Variants in NAALAD2 observed in about 807,000 individuals in gnomAD.
The protein encoded by NAALAD2 is N-acetylated alpha-linked acidic dipeptidase 2.
A neutral mutation model predicts 95.6 loss-of-function variants in NAALAD2; 89 were observed. The observed-to-expected ratio is 0.93, with a 90% CI of 0.78 to 1.11. The LOEUF is 1.11. Among genes scored for constraint, NAALAD2 ranks in the 50% least tolerant of loss-of-function variants. The pLI is 0.00. For missense variants in NAALAD2, 894 were observed against 872.4 expected, an observed-to-expected ratio of 1.02 and a Z score of -0.31; for synonymous variants, 264 against 294.4, an observed-to-expected ratio of 0.90 and a Z score of 1.06.
chr11:90,174,024 C>T, intron 14 of NAALAD2, 109 bp downstream of exon 14: 1 of 810,726 alleles, frequency 1.2e-6, no homozygotes, highest in Non-Finnish European at 2.0e-6. Context: ...ATAATTTGAG[C>T]CAAGAAAAGA....
chr11:90,158,684 A>T (rs1167833449), intron 7 of NAALAD2: 1 of 175,046 alleles, frequency 5.7e-6, no homozygotes, highest in Non-Finnish European at 1.2e-5. Flanking sequence ...TCTCCTTGAT[A>T]GGGTTATTAT....
intron 18 of NAALAD2, among the ~76,000 whole-genome samples, chr11:90,183,316 C>T (rs7103738): frequency 0.41 from 62,506 of 151,836 alleles, 13,169 homozygotes; most frequent in South Asian, 0.5. Flanking sequence ...CTACATAATC[C>T]TTTTTATAGA....
At chr11:90,169,087 A>G (rs1952558344) in intron 12 of NAALAD2, 95 bp downstream of exon 12, 2 of 800,768 alleles carry the variant, frequency 2.5e-6, no homozygotes, top group Non-Finnish European at 3.9e-6. Context: ...TACTAAGACT[A>G]TAAATTCTAG....
intron 17 of NAALAD2, among the ~76,000 whole-genome samples, chr11:90,182,093 TTAAG>T (rs1301761224): frequency 6.6e-6 from 1 of 152,124 alleles, no homozygotes; most frequent in Non-Finnish European, 1.5e-5. Context: ...CTTTATGAGT[TTAAG>T]TGCGTTTGTA....
At chr11:90,190,752 ATGAG>A (rs1238170289) in intron 18 of NAALAD2, among the ~76,000 whole-genome samples, 1 of 152,092 alleles carries the variant, frequency 6.6e-6, no homozygotes, top group Non-Finnish European at 1.5e-5. Flanking sequence ...AATCTGAATG[ATGAG>A]TGTTATAGAT....
intron 6 of NAALAD2, among the ~76,000 whole-genome samples, chr11:90,153,636 T>C (rs1590974859): frequency 6.6e-6 from 1 of 152,080 alleles, no homozygotes; most frequent in East Asian, 1.9e-4. Context: ...TAAATCAATT[T>C]GGGGAGAATT....
Position 90,159,265 on chromosome 11 carries a change from A to G in NAALAD2, c.917A>G (p.Asp306Gly), listed in dbSNP as rs748187181. Residue 306 changes from aspartate (D) to glycine (G), a missense_variant, in exon 8 of 19, where the codon GAT (aspartate) becomes GGT (glycine). Transcript: ENST00000534061. ...LRYLGGIAPP[D>G]KSWKGALNVS... ...TACTTGGGAGGAATTGCTCCACCAG[A>G]TAAGAGTTGGAAGGGAGCCCTTAAT... 1.2e-6 allele frequency: 2 copies of G among 1,613,628 alleles called. No individual in the cohort carries two copies. Among genetic ancestry groups the G allele is most frequent in the East Asian group, 2.2e-5 (1 of 44,836 alleles).
intron 6 of NAALAD2, among the ~76,000 whole-genome samples, chr11:90,154,252 T>C (rs1039582038): frequency 2.6e-5 from 4 of 151,932 alleles, no homozygotes; most frequent in African/African-American, 7.2e-5. Context: ...TATCCAGTCT[T>C]TCTCTGTTAA....
chr11:90,132,394 AC>A (rs756792435), upstream of NAALAD2, among the ~76,000 whole-genome samples: 5 of 152,208 alleles, frequency 3.3e-5, no homozygotes, highest in African/African-American at 7.2e-5. Flanking sequence ...ATTAGTTTCT[AC>A]CTTCTCTTTC....
rs143067326 is a variant in NAALAD2, at chr11:90,178,114, T to C, written c.1855T>C (p.Phe619Leu). 9.3e-6 allele frequency: 15 copies of C among 1,606,590 alleles called. No homozygotes were observed. The highest frequency in any genetic ancestry group is 1.7e-4 in the Middle Eastern group (1 of 5,994). Residue 619 changes from phenylalanine (F) to leucine (L), a missense_variant, in exon 16 of 19, where the codon TTT becomes CTT. Phe to Leu is a conservative substitution (Grantham distance 22, BLOSUM62 0). Coordinates refer to ENST00000534061, the MANE Select transcript of NAALAD2 (RefSeq NM_005467.4). ...DQQLTDHGVS[F>L]DSLFSAVKNF... Reference sequence around the variant, plus strand: ...ACAATTGACAGACCATGGAGTATCATTTGGTAAGAAATAGTTGGGCAGATA... The same window carrying C: ...ACAATTGACAGACCATGGAGTATCACTTGGTAAGAAATAGTTGGGCAGATA...
intron 6 of NAALAD2, among the ~76,000 whole-genome samples, chr11:90,157,009 G>A (rs1180789116): frequency 4.6e-5 from 7 of 152,110 alleles, no homozygotes; most frequent in Non-Finnish European, 1.0e-4. Flanking sequence ...TTATGGCCCA[G>A]AATATGGTCT....
Position 90,176,065 on chromosome 11 carries a change from A to G in NAALAD2, c.1593+3A>G. 1 of 1,606,220 alleles carries G rather than the reference A, an allele frequency of 6.2e-7. No individual in the cohort carries two copies. Among genetic ancestry groups the G allele is most frequent in the African/African-American group, 1.3e-5 (1 of 74,830 alleles). On this transcript the variant is annotated splice_donor_region_variant and intron_variant, in intron 15 of 18. Coordinates refer to ENST00000534061, the MANE Select transcript of NAALAD2 (RefSeq NM_005467.4). ...GAGCCCGTTACACTAAGAATAAGGT[A>G]AGCCATTTTATCATTTTGAATATAT...
At chr11:90,168,556 C>T (rs1365331907) in intron 11 of NAALAD2, among the ~76,000 whole-genome samples, 1 of 152,142 alleles carries the variant, frequency 6.6e-6, no homozygotes, top group African/African-American at 2.4e-5. Context: ...TCACTTTTAG[C>T]CTCACTGTGA....
At chr11:90,145,981 T>G (rs542845203) in intron 2 of NAALAD2, among the ~76,000 whole-genome samples, 13 of 152,248 alleles carry the variant, frequency 8.5e-5, no homozygotes, top group African/African-American at 3.1e-4. Context: ...AGAAGAGTTT[T>G]AAGCACATGG....
At position 90,177,860 on chromosome 11, in the gene NAALAD2, A is replaced by T. The variant is rs749958841; in HGVS notation, c.1601A>T (p.Asp534Val). The change falls in exon 16 of 19, where the codon GAT (aspartate) becomes GTT (valine). Residue 534 changes from aspartate (D) to valine (V), a missense_variant. Asp to Val is a radical substitution (Grantham distance 152). Coordinates refer to ENST00000534061, the MANE Select transcript of NAALAD2 (RefSeq NM_005467.4). ...RARYTKNKKT[D>V]KYSSYPVYHT... is the part of the protein sequence containing the mutation. Reference sequence around the variant, plus strand: ...TCTCCATTTTTTTTTCAGAAAACAGATAAGTACAGCAGCTACCCAGTGTAC... The same window carrying T: ...TCTCCATTTTTTTTTCAGAAAACAGTTAAGTACAGCAGCTACCCAGTGTAC... The T allele has an allele frequency of 2.5e-6, 4 of 1,607,172 alleles. No homozygotes were observed. Among genetic ancestry groups the T allele is most frequent in the Non-Finnish European group, 3.4e-6 (4 of 1,178,098 alleles).
intron 13 of NAALAD2, among the ~76,000 whole-genome samples, chr11:90,173,542 T>C (rs555381492): frequency 3.9e-4 from 59 of 152,338 alleles, no homozygotes; most frequent in African/African-American, 1.3e-3. Context: ...TTTTAAGTTC[T>C]ATTTAAAAGT....
At chr11:90,182,699 G>A (rs573601478) in intron 17 of NAALAD2, among the ~76,000 whole-genome samples, 9 of 151,942 alleles carry the variant, frequency 5.9e-5, no homozygotes, top group Non-Finnish European at 7.4e-5. Context: ...TATAACAAAC[G>A]ATTTTCCAAT....
chr11:90,134,741 C>G lies in NAALAD2; in HGVS notation c.-18C>G. On this transcript the variant is annotated 5_prime_UTR_variant, in exon 1 of 19. Coordinates refer to ENST00000534061, the MANE Select transcript of NAALAD2 (RefSeq NM_005467.4). ...TCGCGAATGTAGCAGGCGCCCCAAG[C>G]TCGGTCCTCAAGAAGCCATGGCGGA... is the stretch of plus-strand genomic sequence containing the variant. 6.2e-7 allele frequency: 1 copy of G among 1,613,136 alleles called. No individual in the cohort carries two copies. Among genetic ancestry groups the G allele is most frequent in the South Asian group, 1.1e-5 (1 of 91,040 alleles).
intron 2 of NAALAD2, 93 bp downstream of exon 2, chr11:90,135,763 C>A: frequency 5.6e-6 from 5 of 895,046 alleles, no homozygotes; most frequent in Non-Finnish European, 8.1e-6. Context: ...TGAGGACAGT[C>A]TTCTCTGTGT....
Sources: allele counts gnomAD v4.1 joint callset (sites outside exome capture counted in the v4.1 genomes callset), GRCh38; gene constraint gnomAD v4.1.1; transcripts MANE v1.5; gene names NCBI Gene and HGNC (gene_info 2026-07-23, HGNC 2026-07-21).